FREM3: variants seen among roughly 807,000 people sequenced by gnomAD.
The protein encoded by FREM3 is FRAS1-related extracellular matrix protein 3.
In FREM3, 105 loss-of-function variants were observed where a neutral mutation model predicts 129.1. That is an observed-to-expected ratio of 0.81 (90% CI 0.69 to 0.96). The LOEUF is 0.96. Ranked by LOEUF, FREM3 falls within the 40% of genes least tolerant of loss-of-function variation. FREM3 has a pLI of 0.00. For synonymous variants in FREM3, 1,014 were observed against 1,044.9 expected (o/e 0.97, Z 0.57); for missense variants, 2,593 against 2,666.3 (o/e 0.97, Z 0.61).
At chr4:143,595,889 G>GGAAAAGAAAAAA (rs750809003) in intron 6 of FREM3, among the ~76,000 whole-genome samples, 2 of 110,666 alleles carry the variant, frequency 1.8e-5, no homozygotes, top group Non-Finnish European at 3.6e-5. Context: ...CGCCATCTCA[G>GGAAAAGAAAAAA]AAAAAAAAAA....
chr4:143,578,834 A>C (rs1738084345), intron 7 of FREM3, among the ~76,000 whole-genome samples: 1 of 152,218 alleles, frequency 6.6e-6, no homozygotes, highest in Admixed American at 6.5e-5. Flanking sequence ...AAACAAAAGC[A>C]GACATGACAG....
chr4:143,590,314 C>T (rs528993259), intron 6 of FREM3, among the ~76,000 whole-genome samples: 1 of 152,170 alleles, frequency 6.6e-6, no homozygotes, highest in Non-Finnish European at 1.5e-5. Context: ...CTGTCTTGTG[C>T]CAGTTTTCAA....
At chr4:143,657,266 C>G (rs1739618700) in intron 2 of FREM3, among the ~76,000 whole-genome samples, 1 of 152,202 alleles carries the variant, frequency 6.6e-6, no homozygotes. Flanking sequence ...CCTAAGCTTT[C>G]TTTTCTCCAT....
chr4:143,652,146 CTTTTTTTTTTTTT>C (rs1030414098), intron 2 of FREM3, among the ~76,000 whole-genome samples: 1 of 58,528 alleles, frequency 1.7e-5, no homozygotes, highest in African/African-American at 7.2e-5. Context: ...TTTTTCCTTT[CTTTTTTTTTTTTT>C]TTTTTTTTTT....
At chr4:143,611,215 C>A in intron 6 of FREM3, 64 bp downstream of exon 6, 1 of 1,477,880 alleles carries the variant, frequency 6.8e-7, no homozygotes, top group African/African-American at 1.4e-5. Context: ...TGCCTTTCAA[C>A]TGTTGGAGGA....
At chr4:143,580,215 T>G (rs913303658) in intron 7 of FREM3, among the ~76,000 whole-genome samples, 4 of 151,924 alleles carry the variant, frequency 2.6e-5, no homozygotes, top group African/African-American at 9.7e-5. Flanking sequence ...TTCAGCTGGA[T>G]TTTCTAGGTG....
chr4:143,680,821 G>A (rs1349501819), intron 2 of FREM3, among the ~76,000 whole-genome samples: 1 of 151,986 alleles, frequency 6.6e-6, no homozygotes, highest in South Asian at 2.1e-4. Context: ...TTAACTGCAT[G>A]GAGAGATTAA....
intron 6 of FREM3, among the ~76,000 whole-genome samples, chr4:143,609,632 T>C (rs1450395251): frequency 6.6e-6 from 1 of 152,144 alleles, no homozygotes; most frequent in Non-Finnish European, 1.5e-5. Flanking sequence ...CATAGCCCTG[T>C]AATTAAAAAA....
intron 2 of FREM3, among the ~76,000 whole-genome samples, chr4:143,638,719 C>A (rs72940228): frequency 0.042 from 6,439 of 152,132 alleles, 382 homozygotes; most frequent in African/African-American, 0.13. Context: ...GTGTCCTTAC[C>A]AATCTACCAA....
intron 2 of FREM3, among the ~76,000 whole-genome samples, chr4:143,673,630 G>A (rs1173693570): frequency 6.6e-6 from 1 of 152,208 alleles, no homozygotes; most frequent in Admixed American, 6.5e-5. Context: ...GTCAGACAGG[G>A]ACATTTAAGT....
intron 2 of FREM3, among the ~76,000 whole-genome samples, chr4:143,635,978 T>A (rs1739226788): frequency 6.6e-6 from 1 of 152,094 alleles, no homozygotes. Context: ...AGTAGCTCTC[T>A]GGCCTTAGGC....
intron 6 of FREM3, among the ~76,000 whole-genome samples, chr4:143,609,709 A>G (rs753670362): frequency 9.2e-5 from 14 of 152,124 alleles, no homozygotes; most frequent in Non-Finnish European, 1.5e-4. Context: ...TTTGTCTTTC[A>G]GAGTGTCCTC....
At chr4:143,608,718 T>C (rs1282731316) in intron 6 of FREM3, among the ~76,000 whole-genome samples, 1 of 152,208 alleles carries the variant, frequency 6.6e-6, no homozygotes, top group African/African-American at 2.4e-5. Flanking sequence ...TGTTAGAGCA[T>C]GTCCAGGGTA....
intron 2 of FREM3, among the ~76,000 whole-genome samples, chr4:143,661,966 T>C (rs556264273): frequency 6.6e-6 from 1 of 152,228 alleles, no homozygotes; most frequent in African/African-American, 2.4e-5. Flanking sequence ...TGCATCTATT[T>C]GATTCTTCTC....
In FREM3 at chr4:143,700,433, C is replaced by A. The variant is rs1165199413; in HGVS notation, c.243G>T (p.Pro81=). Residue 81 remains proline (P), a synonymous_variant, in exon 1 of 8, where the codon CCG becomes CCT. Coordinates refer to ENST00000329798, the MANE Select transcript of FREM3 (RefSeq NM_001168235.2). The part of the protein sequence containing the change: ...VPLGRSLWLD[P]LRDLVIGVQP... ...GCACTCCAATCACCAGATCCCGGAG[C>A]GGGTCGAGCCAAAGGGAACGACCCA... is the stretch of plus-strand genomic sequence containing the variant. 1 of 1,528,556 alleles carries A rather than the reference C, an allele frequency of 6.5e-7. No individual in the cohort carries two copies. Among genetic ancestry groups the A allele is most frequent in the Non-Finnish European group, 8.8e-7 (1 of 1,142,314 alleles). 94.7% of individuals were successfully genotyped at this position (1,528,556 alleles called of 1,614,324 possible). A position where few individuals can be genotyped will look rare whatever the true frequency, so the allele number is the denominator to read the frequency against.
At chr4:143,689,780 G>A (rs1740432774) in intron 2 of FREM3, among the ~76,000 whole-genome samples, 1 of 151,482 alleles carries the variant, frequency 6.6e-6, no homozygotes, top group African/African-American at 2.4e-5. Flanking sequence ...ATTAACTCAG[G>A]AATGGAAAAC....
At chr4:143,684,213 A>G (rs1254302216) in intron 2 of FREM3, among the ~76,000 whole-genome samples, 2 of 152,110 alleles carry the variant, frequency 1.3e-5, no homozygotes, top group Non-Finnish European at 2.9e-5. Context: ...ACAAAAACAG[A>G]GCATTAAACC....
chr4:143,637,742 A>C (rs1357396062), intron 2 of FREM3, among the ~76,000 whole-genome samples: 1 of 152,136 alleles, frequency 6.6e-6, no homozygotes, highest in Admixed American at 6.6e-5. Context: ...GAGGGAAAAA[A>C]CCAAAAGAAC....
intron 2 of FREM3, among the ~76,000 whole-genome samples, chr4:143,679,653 C>G (rs969683530): frequency 4.6e-5 from 7 of 152,162 alleles, no homozygotes; most frequent in South Asian, 2.1e-4. Flanking sequence ...TATTTCACAG[C>G]TCTGAGCTAA....
Sources: allele counts gnomAD v4.1 joint callset (sites outside exome capture counted in the v4.1 genomes callset), GRCh38; gene constraint gnomAD v4.1.1; transcripts MANE v1.5; gene names NCBI Gene and HGNC (gene_info 2026-07-23, HGNC 2026-07-21).